The following FARS2 variants were observed in gnomAD, a reference collection of about 807,000 sequenced individuals.
FARS2 encodes phenylalanine--tRNA ligase, mitochondrial.
A neutral mutation model predicts 46.4 loss-of-function variants in FARS2; 40 were observed. The ratio of observed to expected loss-of-function variants is 0.86; its 90% CI spans 0.67 to 1.12. FARS2 has a LOEUF of 1.12. FARS2 is among the 50% of genes most tolerant of loss of function. The probability of loss-of-function intolerance (pLI) is 0.00; values close to 1 mark genes in which losing one functional copy is unlikely to be tolerated. For synonymous variants in FARS2, 234 were observed against 214.9 expected (o/e 1.09, Z -0.78); for missense variants, 513 against 567.9 (o/e 0.90, Z 0.98).
chr6:5,566,789 C>T (rs193044590), intron 5 of FARS2, among the ~76,000 whole-genome samples: 150 of 152,334 alleles, frequency 9.8e-4, no homozygotes, highest in African/African-American at 3.5e-3. Context: ...CCACACCAAG[C>T]ATTTAAGATG....
chr6:5,334,580 T>G (rs1173748524), intron 1 of FARS2, among the ~76,000 whole-genome samples: 1 of 152,154 alleles, frequency 6.6e-6, no homozygotes. Context: ...CTGTGGAAGG[T>G]CATGAGTATT....
intron 4 of FARS2, among the ~76,000 whole-genome samples, chr6:5,491,217 G>A (rs1450016078): frequency 2.0e-5 from 3 of 152,054 alleles, no homozygotes; most frequent in Non-Finnish European, 4.4e-5. Context: ...ATGGCTATTT[G>A]TGTATCTTCT....
chr6:5,397,121 C>T (rs896453246), intron 2 of FARS2, among the ~76,000 whole-genome samples: 1 of 152,132 alleles, frequency 6.6e-6, no homozygotes, highest in Non-Finnish European at 1.5e-5. Flanking sequence ...AACAAAAGAT[C>T]ATACATGAGT....
At chr6:5,376,685 C>T (rs866764058) in intron 2 of FARS2, among the ~76,000 whole-genome samples, 3 of 152,050 alleles carry the variant, frequency 2.0e-5, no homozygotes, top group Non-Finnish European at 4.4e-5. Flanking sequence ...AACAAGTACA[C>T]CGCGAGTGGT....
intron 6 of FARS2, among the ~76,000 whole-genome samples, chr6:5,656,646 G>A (rs1321780880): frequency 1.3e-5 from 2 of 151,976 alleles, no homozygotes; most frequent in African/African-American, 4.8e-5. Context: ...CGCCTCCCGG[G>A]TTCAAGAGGT....
At chr6:5,766,766 G>A (rs1762772827) in intron 6 of FARS2, among the ~76,000 whole-genome samples, 1 of 152,058 alleles carries the variant, frequency 6.6e-6, no homozygotes, top group South Asian at 2.1e-4. Flanking sequence ...CTATCTAGTT[G>A]TAAAATATGT....
chr6:5,714,314 C>T (rs1251827760), intron 6 of FARS2, among the ~76,000 whole-genome samples: 1 of 152,132 alleles, frequency 6.6e-6, no homozygotes, highest in Non-Finnish European at 1.5e-5. Flanking sequence ...ACACAGCTGC[C>T]TCCAGGTTGA....
intron 1 of FARS2, among the ~76,000 whole-genome samples, chr6:5,308,459 C>G (rs759868348): frequency 3.3e-5 from 5 of 152,214 alleles, no homozygotes; most frequent in Non-Finnish European, 7.3e-5. Flanking sequence ...GCTTCCTAAA[C>G]CATCTCTGGT....
intron 5 of FARS2, among the ~76,000 whole-genome samples, chr6:5,546,533 A>G (rs920778937): frequency 6.6e-6 from 1 of 151,232 alleles, no homozygotes; most frequent in East Asian, 1.9e-4. Context: ...TACAGGAGTG[A>G]GCCACTGCGC....
chr6:5,270,031 A>G lies in FARS2; in HGVS notation c.-22+8371A>G, dbSNP rs992264269. Among the ~76,000 whole-genome samples the G allele has an allele frequency of 3.3e-5, 5 of 152,250 alleles. No homozygotes were observed. In the East Asian group the frequency reaches 9.6e-4, roughly 29 times the overall value. On this transcript the variant is annotated intron_variant, in intron 1 of 6. Coordinates refer to ENST00000274680, the MANE Select transcript of FARS2 (RefSeq NM_006567.5). ...GTTATAAAAGCCTGGCTTCTGTGAAATGGATTACAGTAATATTGGCAGAGA... is the reference window on the plus strand; with the variant it reads ...GTTATAAAAGCCTGGCTTCTGTGAAGTGGATTACAGTAATATTGGCAGAGA...
intron 6 of FARS2, among the ~76,000 whole-genome samples, chr6:5,615,482 T>C (rs1170519312): frequency 6.6e-6 from 1 of 152,222 alleles, no homozygotes; most frequent in Non-Finnish European, 1.5e-5. Flanking sequence ...ATCTCTTCTC[T>C]GAGTTATTTC....
chr6:5,260,967 C>T (rs1268973476), upstream of FARS2: 6 of 1,269,634 alleles, frequency 4.7e-6, no homozygotes, highest in Admixed American at 4.1e-5. Context: ...GCTAAGGGGG[C>T]GGTGCTGGGA....
At position 5,503,196 on chromosome 6, in the gene FARS2, A is replaced by T. The variant is rs528377142; in HGVS notation, c.905-41984A>T. 1.3e-4 allele frequency among the ~76,000 whole-genome samples: 16 copies of T among 124,218 alleles called. No homozygotes were observed. The South Asian group carries it at 3.4e-3, about 27-fold the overall frequency. 81.5% of individuals were successfully genotyped at this position (124,218 alleles called of 152,430 possible). The stretch of plus-strand genomic sequence containing the variant: ...TAATTTAAAAATTAATAAAATATAT[A>T]AAAATATTTTAAGAAAATAGTAAAT... On this transcript the variant is annotated intron_variant, in intron 4 of 6. Coordinates refer to ENST00000274680, the MANE Select transcript of FARS2 (RefSeq NM_006567.5).
intron 4 of FARS2, among the ~76,000 whole-genome samples, chr6:5,513,656 A>G (rs1207980954): frequency 2.6e-5 from 4 of 152,168 alleles, no homozygotes; most frequent in Non-Finnish European, 5.9e-5. Flanking sequence ...CTGTGTGTGC[A>G]GGGAGGCAGC....
intron 6 of FARS2, among the ~76,000 whole-genome samples, chr6:5,741,661 GT>G (rs1233242756): frequency 1.3e-5 from 2 of 152,102 alleles, no homozygotes; most frequent in Admixed American, 1.3e-4. Context: ...CCTGTTGTTT[GT>G]TTTTTTCTGA....
At chr6:5,250,719 ACAAAC>A in the FARS2 span, among the ~76,000 whole-genome samples, 1 of 140,920 alleles carries the variant, frequency 7.1e-6, no homozygotes, top group African/African-American at 2.8e-5. Context: ...TAAATTCAGA[ACAAAC>A]GTAAGAACTG....
intron 1 of FARS2, among the ~76,000 whole-genome samples, chr6:5,337,906 G>C (rs562093430): frequency 1.2e-4 from 19 of 152,184 alleles, no homozygotes; most frequent in Non-Finnish European, 2.2e-4. Context: ...GTGAAGAAAG[G>C]CTTCTGGGAA....
chr6:5,488,557 T>A (rs1453996883), intron 4 of FARS2, among the ~76,000 whole-genome samples: 2 of 151,972 alleles, frequency 1.3e-5, no homozygotes, highest in Non-Finnish European at 2.9e-5. Context: ...AATTTTACAG[T>A]ACAGTGCTGA....
intron 6 of FARS2, among the ~76,000 whole-genome samples, chr6:5,645,642 G>A (rs1777040730): frequency 6.6e-6 from 1 of 152,192 alleles, no homozygotes; most frequent in Admixed American, 6.5e-5. Context: ...TGCATGTGGA[G>A]GCTGTCAGAT....
Sources: allele counts gnomAD v4.1 joint callset (sites outside exome capture counted in the v4.1 genomes callset), GRCh38; gene constraint gnomAD v4.1.1; transcripts MANE v1.5; gene names NCBI Gene and HGNC (gene_info 2026-07-23, HGNC 2026-07-21).